HIVEP3: variants seen among roughly 807,000 people sequenced by gnomAD.
HIVEP3 encodes HIVEP zinc finger 3.
A neutral mutation model predicts 152.8 loss-of-function variants in HIVEP3; 49 were observed. That is an observed-to-expected ratio of 0.32 (90% CI 0.26 to 0.41). HIVEP3 has a LOEUF of 0.41. HIVEP3 is among the 10% of genes least tolerant of loss of function. HIVEP3 has a pLI of 1.00. For synonymous variants in HIVEP3, 1,269 were observed against 1,289.0 expected, an observed-to-expected ratio of 0.98 and a Z score of 0.33; for missense variants, 2,790 against 3,103.3, an observed-to-expected ratio of 0.90 and a Z score of 2.40.
chr1:41,682,105 TTCTC>T (rs146750157), intron 2 of HIVEP3, among the ~76,000 whole-genome samples: 3 of 150,836 alleles, frequency 2.0e-5, no homozygotes, highest in Non-Finnish European at 3.0e-5. Flanking sequence ...TGTGGTCTCT[TTCTC>T]TCTCTCTCTC....
intron 1 of HIVEP3, among the ~76,000 whole-genome samples, chr1:41,839,614 C>T (rs1643227145): frequency 6.6e-6 from 1 of 152,180 alleles, no homozygotes; most frequent in South Asian, 2.1e-4. Flanking sequence ...CGTGAGTACT[C>T]TGGAGTGGGG....
intron 1 of HIVEP3, among the ~76,000 whole-genome samples, chr1:41,701,509 G>T (rs1018864336): frequency 1.3e-5 from 2 of 152,184 alleles, no homozygotes; most frequent in African/African-American, 4.8e-5. Flanking sequence ...AAATGCCACA[G>T]GCTGGTGGGT....
At chr1:41,560,710 C>A (rs910780699) in intron 5 of HIVEP3, among the ~76,000 whole-genome samples, 3 of 152,210 alleles carry the variant, frequency 2.0e-5, no homozygotes, top group Admixed American at 6.5e-5. Flanking sequence ...ACAGCGGAGG[C>A]CCCTCCTCCA....
At chr1:42,025,490 G>T (rs796496848) in intron 1 of HIVEP3, among the ~76,000 whole-genome samples, 1 of 152,250 alleles carries the variant, frequency 6.6e-6, no homozygotes, top group African/African-American at 2.4e-5. Context: ...AATACATAAA[G>T]AATTTGTGAG....
intron 1 of HIVEP3, among the ~76,000 whole-genome samples, chr1:41,817,055 T>C (rs1461425463): frequency 6.6e-6 from 1 of 152,170 alleles, no homozygotes; most frequent in Non-Finnish European, 1.5e-5. Context: ...AGTGAGCAAA[T>C]GAAGAGCAGG....
At chr1:41,689,900 C>T (rs1016963804) in intron 2 of HIVEP3, among the ~76,000 whole-genome samples, 1 of 152,226 alleles carries the variant, frequency 6.6e-6, no homozygotes, top group African/African-American at 2.4e-5. Flanking sequence ...CTGTCGGCTC[C>T]GCCTCCCAGT....
At chr1:41,858,973 A>G (rs1643845651) in intron 1 of HIVEP3, among the ~76,000 whole-genome samples, 1 of 152,238 alleles carries the variant, frequency 6.6e-6, no homozygotes, top group Non-Finnish European at 1.5e-5. Flanking sequence ...GAAGCTGGAG[A>G]GGTTGGCAGC....
chr1:41,859,156 A>G lies in HIVEP3; in HGVS notation c.-801+59257T>C, dbSNP rs560566738. On this transcript the variant is annotated intron_variant, in intron 1 of 8. Coordinates refer to ENST00000372583, the MANE Select transcript of HIVEP3 (RefSeq NM_024503.5). The stretch of plus-strand genomic sequence containing the variant: ...AGCACACAGTTGGCATCAACAAATG[A>G]CTGCCCCTAGGGTCTGTTTACTTAT... 7.9e-5 allele frequency among the ~76,000 whole-genome samples: 12 copies of G among 152,312 alleles called. No individual in the cohort carries two copies. In the South Asian group the frequency reaches 2.5e-3, roughly 32 times the overall value.
chr1:41,665,218 C>T (rs1398698508), intron 2 of HIVEP3, among the ~76,000 whole-genome samples: 1 of 152,200 alleles, frequency 6.6e-6, no homozygotes, highest in Non-Finnish European at 1.5e-5. Context: ...AGGCTACCAG[C>T]CTGACCTCGA....
At chr1:41,969,248 C>A (rs1645215919) in intron 1 of HIVEP3, among the ~76,000 whole-genome samples, 1 of 152,064 alleles carries the variant, frequency 6.6e-6, no homozygotes, top group African/African-American at 2.4e-5. Flanking sequence ...GCCTATATAG[C>A]CAAGACAATC....
intron 1 of HIVEP3, among the ~76,000 whole-genome samples, chr1:41,952,221 C>A (rs1645112710): frequency 6.6e-6 from 1 of 152,118 alleles, no homozygotes; most frequent in Non-Finnish European, 1.5e-5. Context: ...TATTCAAAAT[C>A]AAAATCTTCA....
intron 1 of HIVEP3, among the ~76,000 whole-genome samples, chr1:41,971,951 C>T (rs1410603801): frequency 6.6e-6 from 1 of 152,192 alleles, no homozygotes; most frequent in African/African-American, 2.4e-5. Flanking sequence ...GACGCAGCAA[C>T]ATGTTGCCAT....
rs1254002342 is a variant in HIVEP3 at position 41,946,620 on chromosome 1, C to T, written n.120-28096G>A. 2.6e-5 allele frequency among the ~76,000 whole-genome samples: 4 copies of T among 152,112 alleles called. 1 individual carries two copies. In the South Asian group the frequency reaches 8.3e-4, roughly 31 times the overall value. On this transcript the variant is annotated intron_variant and non_coding_transcript_variant, in intron 1 of 3. Coordinates refer to the HIVEP3 transcript ENST00000489103. ...TCTAGCAAAAGCAGGGGCCATTATA[C>T]ACCTGAACATAGGAAAAGGAACACC...
At chr1:41,567,808 C>T (rs1446590264) in intron 5 of HIVEP3, among the ~76,000 whole-genome samples, 2 of 152,246 alleles carry the variant, frequency 1.3e-5, no homozygotes, top group Admixed American at 6.5e-5. Context: ...TGGCTCCCAA[C>T]CCCAGAGCCT....
intron 1 of HIVEP3, among the ~76,000 whole-genome samples, chr1:41,976,629 CTAAAGT>C (rs1415414532): frequency 6.6e-6 from 1 of 152,152 alleles, no homozygotes; most frequent in Non-Finnish European, 1.5e-5. Context: ...CAGACTAAAT[CTAAAGT>C]TATTTATCAT....
At chr1:41,984,384 G>A (rs976364040) in intron 1 of HIVEP3, among the ~76,000 whole-genome samples, 2 of 152,238 alleles carry the variant, frequency 1.3e-5, no homozygotes, top group South Asian at 4.1e-4. Flanking sequence ...TTTGTTATCT[G>A]GAGAATATGA....
intron 1 of HIVEP3, among the ~76,000 whole-genome samples, chr1:41,741,943 A>G (rs1222290326): frequency 6.6e-6 from 1 of 152,262 alleles, no homozygotes; most frequent in Non-Finnish European, 1.5e-5. Flanking sequence ...GCTGAAGGCC[A>G]AGGCATTTGT....
At chr1:41,743,320 T>C (rs1285729409) in intron 1 of HIVEP3, among the ~76,000 whole-genome samples, 1 of 152,220 alleles carries the variant, frequency 6.6e-6, no homozygotes, top group Non-Finnish European at 1.5e-5. Context: ...AACTGTGAGC[T>C]TGCCACCACG....
intron 2 of HIVEP3, among the ~76,000 whole-genome samples, chr1:41,663,131 A>C (rs953469300): frequency 1.3e-5 from 2 of 152,234 alleles, no homozygotes; most frequent in Non-Finnish European, 2.9e-5. Context: ...GTTCCCAGCC[A>C]GGCCTCCACA....
Sources: gnomAD v4.1 joint callset for allele counts (sites outside exome capture counted in the v4.1 genomes callset) on GRCh38, gnomAD v4.1.1 for gene constraint, MANE v1.5 for transcripts, NCBI Gene and HGNC (gene_info 2026-07-23, HGNC 2026-07-21) for gene names.